The following RPS6KC1 variants were observed in gnomAD, a reference collection of about 807,000 sequenced individuals.
RPS6KC1 encodes the protein inactive ribosomal protein S6 kinase delta-1.
RPS6KC1 carries 54 observed loss-of-function variants against 103.8 expected under a neutral mutation model. The observed-to-expected ratio is 0.52, with a 90% confidence interval of 0.42 to 0.65. The LOEUF (loss-of-function observed/expected upper bound fraction) is 0.65, where lower values mean the gene tolerates loss of function less well. RPS6KC1 is among the 30% of genes least tolerant of loss of function. The pLI is 0.00. For missense variants in RPS6KC1, 1,151 were observed against 1,253.8 expected, an observed-to-expected ratio of 0.92 and a Z score of 1.24; for synonymous variants, 439 against 438.7, an observed-to-expected ratio of 1.00 and a Z score of -0.01.
the RPS6KC1 span, among the ~76,000 whole-genome samples, chr1:213,400,705 TTCTC>T: frequency 1.3e-5 from 2 of 151,734 alleles, no homozygotes; most frequent in African/African-American, 4.9e-5. Context: ...CCTTTTTTCT[TTCTC>T]TCTTTTTTTT....
At chr1:213,405,011 G>T in the RPS6KC1 span, among the ~76,000 whole-genome samples, 1 of 152,220 alleles carries the variant, frequency 6.6e-6, no homozygotes, top group African/African-American at 2.4e-5. Flanking sequence ...ATTCTGCGGC[G>T]TAACCCAATC....
At chr1:213,236,909 A>C (rs2094233767) in intron 10 of RPS6KC1, among the ~76,000 whole-genome samples, 1 of 152,150 alleles carries the variant, frequency 6.6e-6, no homozygotes, top group African/African-American at 2.4e-5. Context: ...TTATAAAATA[A>C]ATTCAAACAA....
chr1:213,654,786 A>G, the RPS6KC1 span, among the ~76,000 whole-genome samples: 1 of 152,212 alleles, frequency 6.6e-6, no homozygotes, highest in African/African-American at 2.4e-5. Flanking sequence ...TCTGCTCCAA[A>G]TGATCAGCCT....
At chr1:213,842,441 C>A in the RPS6KC1 span, among the ~76,000 whole-genome samples, 3 of 152,128 alleles carry the variant, frequency 2.0e-5, no homozygotes, top group Admixed American at 2.0e-4. Context: ...TTGGGGGAGT[C>A]AAGATGCAGG....
the RPS6KC1 span, among the ~76,000 whole-genome samples, chr1:213,699,518 T>C: frequency 2.0e-5 from 3 of 152,302 alleles, no homozygotes; most frequent in East Asian, 5.8e-4. Context: ...GCAACAAACA[T>C]GGAAGTGCAG....
the RPS6KC1 span, among the ~76,000 whole-genome samples, chr1:213,375,025 A>ATACACACACATACACATACATACACACG: frequency 1.3e-5 from 2 of 152,054 alleles, no homozygotes; most frequent in African/African-American, 4.8e-5. Context: ...ATACATACAC[A>ATACACACACATACACATACATACACACG]TACACACACA....
intron 8 of RPS6KC1, among the ~76,000 whole-genome samples, chr1:213,192,786 T>C (rs542524530): frequency 6.6e-6 from 1 of 152,256 alleles, no homozygotes; most frequent in South Asian, 2.1e-4. Flanking sequence ...CATCATTAGG[T>C]GGTTTATTTT....
chr1:213,283,220 G>A, the RPS6KC1 span, among the ~76,000 whole-genome samples: 1 of 152,102 alleles, frequency 6.6e-6, no homozygotes, highest in Admixed American at 6.5e-5. Context: ...CTGAGGGAAG[G>A]AACCAAGAAG....
the RPS6KC1 span, among the ~76,000 whole-genome samples, chr1:213,414,535 C>A: frequency 0.44 from 67,008 of 151,836 alleles, 15,390 homozygotes; most frequent in East Asian, 0.51. Flanking sequence ...GGATTGCCAA[C>A]AGCCACCAGA....
At chr1:213,476,229 G>C in the RPS6KC1 span, among the ~76,000 whole-genome samples, 1 of 152,162 alleles carries the variant, frequency 6.6e-6, no homozygotes, top group African/African-American at 2.4e-5. Context: ...GATCTTGACT[G>C]GGCTTGGCCC....
At chr1:213,752,548 T>G in the RPS6KC1 span, among the ~76,000 whole-genome samples, 3 of 152,184 alleles carry the variant, frequency 2.0e-5, no homozygotes, top group Non-Finnish European at 2.9e-5. Flanking sequence ...ATACTCGTCC[T>G]CCATAAGATG....
At chr1:213,227,731 G>A (rs1431867763) in intron 8 of RPS6KC1, among the ~76,000 whole-genome samples, 1 of 152,110 alleles carries the variant, frequency 6.6e-6, no homozygotes, top group Non-Finnish European at 1.5e-5. Context: ...CTTGCATGTG[G>A]GCCTTTGCCA....
chr1:213,389,781 G>A, the RPS6KC1 span, among the ~76,000 whole-genome samples: 4 of 152,096 alleles, frequency 2.6e-5, no homozygotes, highest in African/African-American at 9.7e-5. Context: ...GCATACAGAG[G>A]CACCCGAGCA....
chr1:213,252,582 T>A, intron 12 of RPS6KC1, among the ~76,000 whole-genome samples: 1 of 152,202 alleles, frequency 6.6e-6, no homozygotes, highest in East Asian at 1.9e-4. Context: ...TCTTATGTTG[T>A]CTTATTTACC....
At chr1:213,116,070 C>T (rs956599891) in intron 4 of RPS6KC1, among the ~76,000 whole-genome samples, 1,722 of 151,592 alleles carry the variant, frequency 0.011, 36 homozygotes, top group African/African-American at 0.037. Flanking sequence ...CTATTAGGTC[C>T]GCTTGGTGCA....
chr1:213,324,572 C>T, the RPS6KC1 span, among the ~76,000 whole-genome samples: 1 of 143,144 alleles, frequency 7.0e-6, no homozygotes, highest in Non-Finnish European at 1.5e-5. Flanking sequence ...CACTATTCAA[C>T]CCAGTGTAAT....
At chr1:213,690,045 C>G in the RPS6KC1 span, among the ~76,000 whole-genome samples, 1 of 152,180 alleles carries the variant, frequency 6.6e-6, no homozygotes, top group Non-Finnish European at 1.5e-5. Context: ...GCATCCCACC[C>G]TGCATAGCCC....
the RPS6KC1 span, among the ~76,000 whole-genome samples, chr1:213,625,774 G>A: frequency 1.3e-5 from 2 of 152,070 alleles, no homozygotes; most frequent in African/African-American, 4.8e-5. Flanking sequence ...ATTTTTTATG[G>A]CTGCATAGTA....
chr1:213,681,448 G>T, the RPS6KC1 span, among the ~76,000 whole-genome samples: 1 of 152,260 alleles, frequency 6.6e-6, no homozygotes, highest in South Asian at 2.1e-4. Flanking sequence ...GCCTTTGAAG[G>T]GAGATAATGG....
Sources: gnomAD v4.1 joint callset for allele counts (sites outside exome capture counted in the v4.1 genomes callset) on GRCh38, gnomAD v4.1.1 for gene constraint, MANE v1.5 for transcripts, NCBI Gene and HGNC (gene_info 2026-07-23, HGNC 2026-07-21) for gene names.